Variants in LAMC3 observed in about 807,000 individuals in gnomAD.
LAMC3 encodes laminin subunit gamma-3.
Under a neutral mutation model 173.8 loss-of-function variants are expected in LAMC3, and 128 were observed. The observed-to-expected ratio is 0.74, with a 90% CI of 0.64 to 0.85. The LOEUF (loss-of-function observed/expected upper bound fraction) is 0.85, where lower values mean the gene tolerates loss of function less well. LAMC3 is among the 40% of genes least tolerant of loss of function. LAMC3 has a pLI of 0.00. For synonymous variants in LAMC3, 897 were observed against 909.1 expected (o/e 0.99, Z 0.24); for missense variants, 2,022 against 2,156.0 (o/e 0.94, Z 1.23).
At chr9:131,020,668 G>T (rs376946335) in intron 1 of LAMC3, among the ~76,000 whole-genome samples, 2 of 152,194 alleles carry the variant, frequency 1.3e-5, no homozygotes, top group African/African-American at 4.8e-5. Flanking sequence ...ATAAGTCAGG[G>T]AACAGACGAG....
At chr9:131,083,962 C>T (rs1161991538) in intron 24 of LAMC3, among the ~76,000 whole-genome samples, 3 of 144,754 alleles carry the variant, frequency 2.1e-5, no homozygotes, top group Non-Finnish European at 3.0e-5. Context: ...GCAACCTCTG[C>T]CTTCTGGGTT....
intron 24 of LAMC3, among the ~76,000 whole-genome samples, chr9:131,084,850 G>T (rs914473136): frequency 6.6e-6 from 1 of 150,788 alleles, no homozygotes; most frequent in African/African-American, 2.4e-5. Flanking sequence ...AGTGAGCTGA[G>T]ATCTCTCCAC....
At position 131,030,435 on chromosome 9, in the gene LAMC3, C is replaced by T. The variant is rs546935520; in HGVS notation, c.679-1610C>T. On this transcript the variant is annotated intron_variant, in intron 2 of 27. Coordinates refer to ENST00000361069, the MANE Select transcript of LAMC3 (RefSeq NM_006059.4). ...TGGGCAGGTCATTGCTGTCTCTGGG[C>T]CCCACTGGCATGATAAGGGCTTTGG... Among the ~76,000 whole-genome samples, 22 of 152,306 alleles carry T rather than the reference C, an allele frequency of 1.4e-4. No homozygotes were observed. The South Asian group carries it at 3.9e-3, about 27-fold the overall frequency.
At chr9:131,057,526 G>GC (rs1829712010) in intron 12 of LAMC3, among the ~76,000 whole-genome samples, 1 of 152,108 alleles carries the variant, frequency 6.6e-6, no homozygotes, top group Admixed American at 6.5e-5. Context: ...AAGGGCAGAG[G>GC]CACCAGCATG....
intron 20 of LAMC3, among the ~76,000 whole-genome samples, chr9:131,074,330 A>G (rs944175972): frequency 6.6e-6 from 1 of 151,858 alleles, no homozygotes; most frequent in African/African-American, 2.4e-5. Flanking sequence ...ATCCCATTGT[A>G]TGGAAATGCC....
chr9:131,032,149 C>T lies in LAMC3; in HGVS notation c.783C>T (p.Ala261=), dbSNP rs574155279. ...DPKVLQSYYY[A]VSDFSVGGRC... The stretch of plus-strand genomic sequence containing the variant: ...AGGTGCTCCAGTCCTACTATTATGC[C>T]GTGTCCGACTTCTCTGTGGGCGGCA... Residue 261 remains alanine, a synonymous_variant, in exon 3 of 28, where the codon GCC becomes GCT. Coordinates refer to ENST00000361069, the MANE Select transcript of LAMC3 (RefSeq NM_006059.4). The T allele has an allele frequency of 4.3e-5, 69 of 1,613,260 alleles. No homozygotes were observed. Among genetic ancestry groups the T allele is most frequent in the South Asian group, 3.7e-4 (34 of 91,028 alleles).
At chr9:131,067,326 G>A in intron 14 of LAMC3, 121 bp downstream of exon 14, 2 of 1,268,194 alleles carry the variant, frequency 1.6e-6, no homozygotes, top group Non-Finnish European at 2.3e-6. Context: ...CCTCTGCAAG[G>A]CTGTCCAGCC....
chr9:131,019,194 G>A (rs536091172), intron 1 of LAMC3, among the ~76,000 whole-genome samples: 25 of 152,294 alleles, frequency 1.6e-4, no homozygotes, highest in African/African-American at 4.1e-4. Flanking sequence ...TCCAGGGGAC[G>A]GAGGTTGAAG....
At chr9:131,051,585 G>A (rs1345679184) in intron 9 of LAMC3, among the ~76,000 whole-genome samples, 1 of 152,044 alleles carries the variant, frequency 6.6e-6, no homozygotes, top group East Asian at 1.9e-4. Flanking sequence ...GGCTGGTCTT[G>A]AACTCCTGAC....
At chr9:131,064,162 C>T (rs1829881153) in intron 13 of LAMC3, among the ~76,000 whole-genome samples, 2 of 152,272 alleles carry the variant, frequency 1.3e-5, no homozygotes, top group South Asian at 4.1e-4. Flanking sequence ...CTCACCTCAG[C>T]CTCCCAAAGT....
intron 4 of LAMC3, 81 bp downstream of exon 4, chr9:131,036,413 G>T: frequency 6.6e-7 from 1 of 1,517,736 alleles, no homozygotes. Flanking sequence ...AAAACGTCGT[G>T]GTGGGGGCTG....
intron 3 of LAMC3, among the ~76,000 whole-genome samples, chr9:131,033,048 G>T (rs919923569): frequency 6.6e-6 from 1 of 152,090 alleles, no homozygotes; most frequent in Non-Finnish European, 1.5e-5. Context: ...TCCTGGTCCT[G>T]GTCCTATGCG....
intron 20 of LAMC3, among the ~76,000 whole-genome samples, chr9:131,075,312 G>T (rs1227781432): frequency 1.3e-5 from 2 of 150,128 alleles, no homozygotes; most frequent in African/African-American, 5.0e-5. Context: ...AGTGGCTCAC[G>T]CCTGTAATCC....
intron 12 of LAMC3, among the ~76,000 whole-genome samples, 175 bp downstream of exon 12, chr9:131,057,322 A>G (rs1829700917): frequency 6.6e-6 from 1 of 152,256 alleles, no homozygotes; most frequent in East Asian, 1.9e-4. Context: ...CTCATAGTTT[A>G]ATAAAAGTTA....
At chr9:131,042,330 C>T (rs1173195135) in intron 7 of LAMC3, among the ~76,000 whole-genome samples, 1 of 151,574 alleles carries the variant, frequency 6.6e-6, no homozygotes, top group Admixed American at 6.6e-5. Flanking sequence ...ATTACTCATG[C>T]AGCACTGTCA....
chr9:131,091,863 G>T lies in LAMC3; in HGVS notation c.*76G>T, dbSNP rs772891195. Reference sequence around the variant, plus strand: ...CCAGGGGGTGCACACTACCCCACAGGTGTGCCCATACAGACATTCCCCGGA... The same window carrying T: ...CCAGGGGGTGCACACTACCCCACAGTTGTGCCCATACAGACATTCCCCGGA... On this transcript the variant is annotated 3_prime_UTR_variant, in exon 28 of 28. Coordinates refer to ENST00000361069, the MANE Select transcript of LAMC3 (RefSeq NM_006059.4). The T allele has an allele frequency of 1.3e-6, 2 of 1,562,610 alleles. No individual in the cohort carries two copies. Among genetic ancestry groups the T allele is most frequent in the East Asian group, 2.3e-5 (1 of 43,948 alleles).
At chr9:131,066,170 G>T (rs1205692722) in intron 13 of LAMC3, among the ~76,000 whole-genome samples, 1 of 151,226 alleles carries the variant, frequency 6.6e-6, no homozygotes, top group Non-Finnish European at 1.5e-5. Flanking sequence ...ACTCCAGCCT[G>T]GGTGACAGGA....
chr9:131,052,534 C>T lies in LAMC3; in HGVS notation c.1674C>T (p.Leu558=), dbSNP rs767746796. 1 of 1,614,102 alleles carries T rather than the reference C, an allele frequency of 6.2e-7. No homozygotes were observed. Among genetic ancestry groups the T allele is most frequent in the African/African-American group, 1.3e-5 (1 of 74,938 alleles). The change falls in exon 10 of 28, where the codon CTC becomes CTT. Residue 558 remains leucine, a synonymous_variant. Transcript: ENST00000361069. ...AGCGGTTCAGCTATGGGCAGCCCCT[C>T]ATACTGACCTTCCGGGTGCCCCCCG... ...GDQRFSYGQP[L]ILTFRVPPGD...
At chr9:131,042,138 A>G (rs747755309) in intron 7 of LAMC3, among the ~76,000 whole-genome samples, 4 of 152,126 alleles carry the variant, frequency 2.6e-5, no homozygotes, top group Non-Finnish European at 5.9e-5. Flanking sequence ...CTCACTGCAG[A>G]CATAGCTAAT....
Sources: allele counts gnomAD v4.1 joint callset (sites outside exome capture counted in the v4.1 genomes callset), GRCh38; gene constraint gnomAD v4.1.1; transcripts MANE v1.5; gene names NCBI Gene and HGNC (gene_info 2026-07-23, HGNC 2026-07-21).